MINK1: variants seen among roughly 807,000 people sequenced by gnomAD.
The protein encoded by MINK1 is misshapen-like kinase 1.
In MINK1, 46 loss-of-function variants were observed where a neutral mutation model predicts 178.4. That is an observed-to-expected ratio of 0.26 (90% CI 0.20 to 0.33). The LOEUF (loss-of-function observed/expected upper bound fraction) is 0.33, where lower values mean the gene tolerates loss of function less well. Ranked by LOEUF, MINK1 falls within the 10% of genes least tolerant of loss-of-function variation. The pLI is 1.00. For synonymous variants in MINK1, 797 were observed against 709.7 expected (o/e 1.12, Z -1.96); for missense variants, 1,366 against 1,814.9 (o/e 0.75, Z 4.49).
intron 15 of MINK1, 123 bp downstream of exon 15, chr17:4,891,247 T>A: frequency 8.6e-7 from 1 of 1,164,842 alleles, no homozygotes; most frequent in Non-Finnish European, 1.2e-6. Context: ...TGAGCCAGGA[T>A]TACAGAGCAC....
Position 4,890,939 on chromosome 17 carries a change from T to A in MINK1, c.1567-12T>A, listed in dbSNP as rs1373590832. 3.2e-6 allele frequency: 5 copies of A among 1,552,948 alleles called. No homozygotes were observed. Among genetic ancestry groups the A allele is most frequent in the Non-Finnish European group, 4.4e-6 (5 of 1,147,828 alleles). On this transcript the variant is annotated splice_polypyrimidine_tract_variant and intron_variant, in intron 14 of 31. Transcript: ENST00000355280. ...CAAGAGCTGGCCTGCTTGACATCCC[T>A]TCACATCACAGGTAGAAGAGAGAAC...
chr17:4,862,389 T>G (rs915005452), intron 1 of MINK1, among the ~76,000 whole-genome samples: 3 of 152,108 alleles, frequency 2.0e-5, no homozygotes, highest in Non-Finnish European at 4.4e-5. Context: ...GCACGGTGGC[T>G]CACGCCTGTA....
intron 4 of MINK1, among the ~76,000 whole-genome samples, chr17:4,882,746 G>C (rs528509474): frequency 6.6e-6 from 1 of 152,236 alleles, no homozygotes; most frequent in East Asian, 1.9e-4. Context: ...CCCTCACTGC[G>C]GTCACTCACG....
In MINK1 at chr17:4,892,973, G is replaced by A. The variant is rs371932383; in HGVS notation, c.2312-6G>A. The A allele has an allele frequency of 8.4e-5, 131 of 1,557,750 alleles. No individual in the cohort carries two copies. The highest frequency in any genetic ancestry group is 5.2e-4 in the Admixed American group (27 of 52,406). ...ATCAGTGACCTTCTTCCACCCTGCC[G>A]TCCAGTCTCCTCCAAACCGGACAGC... On this transcript the variant is annotated splice_region_variant and splice_polypyrimidine_tract_variant and intron_variant, in intron 19 of 31. Coordinates refer to ENST00000355280, the MANE Select transcript of MINK1 (RefSeq NM_153827.5).
At chr17:4,883,495 A>T (rs918535631) in intron 4 of MINK1, among the ~76,000 whole-genome samples, 1 of 146,904 alleles carries the variant, frequency 6.8e-6, no homozygotes, top group African/African-American at 2.5e-5. Flanking sequence ...TGAGCCACTG[A>T]GCCCGGCCCA....
chr17:4,834,828 C>G (rs780151011), intron 1 of MINK1: 2 of 520,104 alleles, frequency 3.8e-6, no homozygotes, highest in South Asian at 2.8e-5. Context: ...GCTTTTGAGT[C>G]AGCCAGGGAA....
chr17:4,845,364 C>T (rs1052363646), intron 1 of MINK1, among the ~76,000 whole-genome samples: 1 of 152,164 alleles, frequency 6.6e-6, no homozygotes, highest in African/African-American at 2.4e-5. Context: ...TGCTCATGTT[C>T]GTCATCTTGC....
intron 4 of MINK1, among the ~76,000 whole-genome samples, chr17:4,883,877 C>A (rs1237338191): frequency 6.6e-6 from 1 of 151,670 alleles, no homozygotes; most frequent in Admixed American, 6.6e-5. Context: ...GTTTGGAATC[C>A]CAATGAGAAT....
At chr17:4,845,101 G>A (rs527986373) in intron 1 of MINK1, among the ~76,000 whole-genome samples, 1 of 152,190 alleles carries the variant, frequency 6.6e-6, no homozygotes, top group East Asian at 1.9e-4. Flanking sequence ...GGGTCTGACC[G>A]AGCAGATGTT....
At chr17:4,850,519 G>GCCCCCCCCCCCCCCCCCCCC (rs34173368) in intron 1 of MINK1, among the ~76,000 whole-genome samples, 1 of 144,892 alleles carries the variant, frequency 6.9e-6, no homozygotes. Context: ...CTTCCTGCTG[G>GCCCCCCCCCCCCCCCCCCCC]CCCCCCCCGC....
chr17:4,877,150 G>A (rs753742706), intron 1 of MINK1, among the ~76,000 whole-genome samples: 6 of 151,934 alleles, frequency 3.9e-5, no homozygotes, highest in Non-Finnish European at 8.8e-5. Context: ...ACAGTACTGG[G>A]CTGTATCTCT....
At chr17:4,844,998 T>C (rs1910803830) in intron 1 of MINK1, among the ~76,000 whole-genome samples, 1 of 152,190 alleles carries the variant, frequency 6.6e-6, no homozygotes, top group Non-Finnish European at 1.5e-5. Flanking sequence ...TCTGTACCCA[T>C]TAAACACTGA....
Position 4,884,461 on chromosome 17 carries a change from G to A in MINK1, c.405G>A (p.Arg135=), listed in dbSNP as rs770976417. Residue 135 remains arginine, a synonymous_variant, in exon 5 of 32, where the codon AGG becomes AGA. Transcript: ENST00000355280. The stretch of plus-strand genomic sequence containing the variant: ...AGGACTGTATCGCCTATATCTGCAG[G>A]GAGATCCTCAGGGTGAGCTCAAGGC... The part of the protein sequence containing the change: ...LKEDCIAYIC[R]EILRGLAHLH... The A allele has an allele frequency of 2.5e-5, 41 of 1,613,308 alleles. No individual in the cohort carries two copies. The South Asian group carries it at 4.3e-4, about 17-fold the overall frequency.
intron 1 of MINK1, among the ~76,000 whole-genome samples, chr17:4,852,219 G>T (rs1028980635): frequency 1.3e-5 from 2 of 152,050 alleles, no homozygotes; most frequent in South Asian, 2.1e-4. Context: ...ATTAAGGAAG[G>T]AGGGAGGTTT....
chr17:4,873,568 G>A (rs1966893948), intron 1 of MINK1, among the ~76,000 whole-genome samples: 2 of 150,170 alleles, frequency 1.3e-5, no homozygotes, highest in Non-Finnish European at 3.0e-5. Context: ...TTCAAACCCA[G>A]CCTGCTCTCC....
intron 1 of MINK1, among the ~76,000 whole-genome samples, chr17:4,858,966 A>G (rs1479497595): frequency 6.6e-6 from 1 of 151,272 alleles, no homozygotes; most frequent in Non-Finnish European, 1.5e-5. Context: ...AACACCCGGG[A>G]TTCCCCCCGG....
At chr17:4,843,276 A>G (rs1910520866) in intron 1 of MINK1, among the ~76,000 whole-genome samples, 1 of 152,156 alleles carries the variant, frequency 6.6e-6, no homozygotes, top group Non-Finnish European at 1.5e-5. Context: ...CAGGAGTTCG[A>G]GACCAGCCTG....
chr17:4,855,234 C>T (rs1427682392), intron 1 of MINK1, among the ~76,000 whole-genome samples: 14 of 149,200 alleles, frequency 9.4e-5, no homozygotes, highest in African/African-American at 3.4e-4. Context: ...CACCTGTAAT[C>T]CCAGCACTTT....
At chr17:4,834,195 T>C (rs59816081) in intron 1 of MINK1, among the ~76,000 whole-genome samples, 19,835 of 152,110 alleles carry the variant, frequency 0.13, 2,087 homozygotes, top group East Asian at 0.57. Flanking sequence ...CTCAATCCCA[T>C]GTTCAGTTTT....
Sources: allele counts gnomAD v4.1 joint callset (sites outside exome capture counted in the v4.1 genomes callset), GRCh38; gene constraint gnomAD v4.1.1; transcripts MANE v1.5; gene names NCBI Gene and HGNC (gene_info 2026-07-23, HGNC 2026-07-21).